CFAP74: variants seen among roughly 807,000 people sequenced by gnomAD.
CFAP74 encodes the protein cilia and flagella associated protein 74.
Under a neutral mutation model 188.9 loss-of-function variants are expected in CFAP74, and 124 were observed. The ratio of observed to expected loss-of-function variants is 0.66; its 90% CI spans 0.57 to 0.76. The LOEUF is 0.76. Ranked by LOEUF, CFAP74 falls within the 30% of genes least tolerant of loss-of-function variation. CFAP74 has a pLI of 0.00. For synonymous variants in CFAP74, 956 were observed against 916.7 expected (o/e 1.04, Z -0.77); for missense variants, 2,198 against 2,165.2 (o/e 1.02, Z -0.30).
intron 6 of CFAP74, among the ~76,000 whole-genome samples, chr1:1,981,371 C>T (rs1490872062): frequency 2.0e-5 from 3 of 152,110 alleles, no homozygotes; most frequent in South Asian, 2.1e-4. Context: ...GCCTGGAACC[C>T]GGGGACCCTC....
chr1:1,973,112 T>C lies in CFAP74; in HGVS notation c.675-65A>G. ...ACACGTCCCATCTGCCCCCAAGCCC[T>C]GCACGGCTGGAGCTCGTGTCCCAGA... On this transcript the variant is annotated intron_variant, in intron 7 of 38. Transcript: ENST00000682832. This position sits in a 1 kb window ranked among gnomAD's most constrained non-coding sequence, Gnocchi z 6.2. 8.3e-7 allele frequency: 1 copy of C among 1,205,250 alleles called. No individual in the cohort carries two copies. The allele number at this position is 1,205,250 out of a possible 1,614,324, so 74.7% of individuals were successfully genotyped here. A position where few individuals can be genotyped will look rare whatever the true frequency, so the allele number is the denominator to read the frequency against.
In CFAP74 at chr1:1,923,558, G is replaced by C. The variant is rs564787276; in HGVS notation, c.4390-59C>G. ...AAGCTCGGCGGCAGGGGTCCTGCTGGTGAGAGCTGGGCTGGCTCAGGGAAG... is the reference window on the plus strand; with the variant it reads ...AAGCTCGGCGGCAGGGGTCCTGCTGCTGAGAGCTGGGCTGGCTCAGGGAAG... On this transcript the variant is annotated intron_variant, in intron 35 of 38. Transcript: ENST00000682832. This position sits in a 1 kb window ranked among gnomAD's most constrained non-coding sequence, Gnocchi z 6.3. The C allele has an allele frequency of 1.6e-4, 259 of 1,584,914 alleles. 3 individuals are homozygous for C. The South Asian group carries it at 2.7e-3, about 17-fold the overall frequency.
chr1:2,000,706 T>C (rs1018023312), intron 1 of CFAP74, among the ~76,000 whole-genome samples: 1 of 151,842 alleles, frequency 6.6e-6, no homozygotes, highest in Non-Finnish European at 1.5e-5. Flanking sequence ...CTGTGTGCAT[T>C]TGTATGTCCA....
intron 18 of CFAP74, chr1:1,955,263 A>G: frequency 7.7e-7 from 1 of 1,293,142 alleles, no homozygotes. Context: ...GGCGGGCTGC[A>G]GGGCAGGAGG....
chr1:1,955,846 C>G lies in CFAP74; in HGVS notation c.2021G>C (p.Ser674Thr). Reference protein sequence around the residue: ...DDSQSALKLSSLLTYEDKSLY... With the variant: ...DDSQSALKLSTLLTYEDKSLY... ...GCTTTTATCTTCGTAGGTCAGGAGA[C>G]TGCTCTAGAGAGGAGAATCAACATC... Residue 674 changes from serine to threonine, a missense_variant, in exon 18 of 39, where the codon AGT becomes ACT. Ser to Thr is a moderately conservative substitution (Grantham distance 58). Coordinates refer to ENST00000682832, the MANE Select transcript of CFAP74 (RefSeq NM_001304360.2). The G allele has an allele frequency of 6.2e-7, 1 of 1,612,384 alleles. No individual in the cohort carries two copies. Among genetic ancestry groups the G allele is most frequent in the Non-Finnish European group, 8.5e-7 (1 of 1,179,762 alleles).
intron 25 of CFAP74, among the ~76,000 whole-genome samples, 182 bp downstream of exon 25, chr1:1,938,673 G>C (rs1653127649): frequency 6.6e-6 from 1 of 152,174 alleles, no homozygotes; most frequent in Non-Finnish European, 1.5e-5. Flanking sequence ...AGGCTGCCTG[G>C]GTCCCAGGCC....
intron 25 of CFAP74, 31 bp from the exon 26 acceptor site, chr1:1,930,367 C>A (rs754432235): frequency 2.0e-6 from 3 of 1,490,372 alleles, no homozygotes; most frequent in South Asian, 1.3e-5. Flanking sequence ...GGCCCTCAGC[C>A]GTGCAGGGCG....
rs1376875854 is a variant in CFAP74 at position 1,970,881 on chromosome 1, C to A, written c.889-65G>T. On this transcript the variant is annotated intron_variant, in intron 9 of 38. Transcript: ENST00000682832. ...CACGGGCACATGCACACGCTCACAC[C>A]TGCACATGTGCACACACAGGTTCAT... The A allele has an allele frequency of 1.9e-6, 3 of 1,575,566 alleles. No individual in the cohort carries two copies. In the African/African-American group the frequency reaches 4.0e-5, roughly 21 times the overall value.
Position 1,968,609 on chromosome 1 carries a change from T to C in CFAP74, c.1245+26A>G. 1 of 1,601,002 alleles carries C rather than the reference T, an allele frequency of 6.2e-7. No homozygotes were observed. On this transcript the variant is annotated intron_variant, in intron 11 of 38. Coordinates refer to ENST00000682832, the MANE Select transcript of CFAP74 (RefSeq NM_001304360.2). This position sits in a 1 kb window ranked among gnomAD's most constrained non-coding sequence, Gnocchi z 4.3. ...CTGCCCTCCACAGGTGTGCGGCTTC[T>C]GTCTACAGGAAGGCGTTTTGCTCAC...
rs549456338 is a variant in CFAP74 at position 1,940,365 on chromosome 1, T to C, written c.2654A>G (p.Lys885Arg). Reference sequence around the variant, plus strand: ...CGGGGCCTCCAGGACTCGGGTCTCCTTGTCAAAATACCTCCCTGCGTCCTC... The same window carrying C: ...CGGGGCCTCCAGGACTCGGGTCTCCCTGTCAAAATACCTCCCTGCGTCCTC... Reference protein sequence around the residue: ...LPEDAGRYFDKETRVLEAPMT... With the variant: ...LPEDAGRYFDRETRVLEAPMT... Residue 885 changes from lysine (K) to arginine (R), a missense_variant, in exon 23 of 39, where the codon AAG becomes AGG. Transcript: ENST00000682832. The C allele has an allele frequency of 1.4e-4, 211 of 1,535,520 alleles. 5 individuals carry two copies. The East Asian group carries it at 5.1e-3, about 37-fold the overall frequency.
At chr1:1,996,778 G>A (rs2102118610) in intron 1 of CFAP74, among the ~76,000 whole-genome samples, 1 of 151,824 alleles carries the variant, frequency 6.6e-6, no homozygotes, top group South Asian at 2.1e-4. Context: ...AAAATTAGCT[G>A]GGTGTGGTGG....
chr1:1,991,368 GA>G (rs1657555096), intron 1 of CFAP74, among the ~76,000 whole-genome samples: 1 of 151,216 alleles, frequency 6.6e-6, no homozygotes, highest in South Asian at 2.1e-4. Context: ...TGTCACAAAA[GA>G]AAAAAGAAAC....
chr1:1,990,006 G>A (rs148632121), intron 2 of CFAP74, among the ~76,000 whole-genome samples: 285 of 150,486 alleles, frequency 1.9e-3, no homozygotes, highest in African/African-American at 6.6e-3. Context: ...TGCATGACAG[G>A]TGACGTCACA....
Position 1,942,062 on chromosome 1 carries a change from A to G in CFAP74, c.2581T>C (p.Ser861Pro). Residue 861 changes from serine (S) to proline (P), a missense_variant, in exon 22 of 39, where the codon TCG (serine) becomes CCG (proline). Physicochemically the swap from Ser to Pro is moderately conservative, Grantham distance 74. Transcript: ENST00000682832. The surrounding 1 kb of genome is among the most constrained non-coding windows in gnomAD (Gnocchi z 4.3). ...LPKTGYIQAQSSYSVQLKFLP... is the reference protein window; with the variant it reads ...LPKTGYIQAQPSYSVQLKFLP... ...AACTTGAGCTGCACGGAGTAGGACG[A>G]CTGTGCCTGGATATAGCCTGTCTTG... is the stretch of plus-strand genomic sequence containing the variant. 1 of 1,531,200 alleles carries G rather than the reference A, an allele frequency of 6.5e-7. No individual in the cohort carries two copies. Among genetic ancestry groups the G allele is most frequent in the African/African-American group, 1.4e-5 (1 of 72,950 alleles). The allele number at this position is 1,531,200 out of a possible 1,614,324, so 94.9% of individuals were successfully genotyped here.
Position 1,966,371 on chromosome 1 carries a change from C to T in CFAP74, c.1401G>A (p.Gln467=), listed in dbSNP as rs755410642. Residue 467 remains glutamine (Q), a splice_region_variant and synonymous_variant, in exon 12 of 39, where the codon CAG becomes CAA. Transcript: ENST00000682832. ...GLWNEDYKPY[Q]VPKEDVDRKP... is the part of the protein sequence containing the mutation. ...CGTCTAAAGGAGCAGGAGCTGATACCTGGTATGGCTTGTAGTCTTCATTCC... is the reference window on the plus strand; with the variant it reads ...CGTCTAAAGGAGCAGGAGCTGATACTTGGTATGGCTTGTAGTCTTCATTCC... 3 of 1,529,768 alleles carry T rather than the reference C, an allele frequency of 2.0e-6. No homozygotes were observed. The highest frequency in any genetic ancestry group is 2.5e-5 in the East Asian group (1 of 40,496). The allele number at this position is 1,529,768 out of a possible 1,614,324, so 94.8% of individuals were successfully genotyped here.
chr1:1,932,238 TAC>T (rs1652468635), intron 25 of CFAP74, among the ~76,000 whole-genome samples: 1 of 149,496 alleles, frequency 6.7e-6, no homozygotes, highest in Admixed American at 6.7e-5. Context: ...CTACTAAAAA[TAC>T]ACAAAAATTA....
chr1:1,927,259 G>C (rs1257287223), intron 28 of CFAP74: 2 of 601,530 alleles, frequency 3.3e-6, no homozygotes, highest in Non-Finnish European at 2.9e-6. Flanking sequence ...GGTTGGGGCA[G>C]GTGCCTTTGG....
intron 9 of CFAP74, 26 bp downstream of exon 9, chr1:1,971,954 G>A: frequency 1.9e-6 from 3 of 1,573,882 alleles, no homozygotes; most frequent in Non-Finnish European, 2.6e-6. Context: ...CCAAGGGAGA[G>A]GCTGGGTGGG....
intron 25 of CFAP74, among the ~76,000 whole-genome samples, chr1:1,938,579 C>G (rs1653116923): frequency 6.6e-6 from 1 of 152,190 alleles, no homozygotes; most frequent in Non-Finnish European, 1.5e-5. Context: ...CACAGGCACA[C>G]TCGCCTGTCC....
Sources: allele counts gnomAD v4.1 joint callset (sites outside exome capture counted in the v4.1 genomes callset), GRCh38; gene constraint gnomAD v4.1.1; non-coding constraint Gnocchi (gnomAD v3.1); transcripts MANE v1.5; gene names NCBI Gene and HGNC (gene_info 2026-07-23, HGNC 2026-07-21).